The following BST1 variants were observed in gnomAD, a reference collection of about 807,000 sequenced individuals.
BST1 encodes the protein ADP-ribosyl cyclase/cyclic ADP-ribose hydrolase 2.
Under a neutral mutation model 40.6 loss-of-function variants are expected in BST1, and 49 were observed. The ratio of observed to expected loss-of-function variants is 1.21; its 90% CI spans 0.96 to 1.53. The LOEUF (loss-of-function observed/expected upper bound fraction) is 1.53. Ranked by LOEUF, BST1 falls within the 40% of genes most tolerant of loss-of-function variation. The pLI is 0.00. For missense variants in BST1, 423 were observed against 395.9 expected, an observed-to-expected ratio of 1.07 and a Z score of -0.58; for synonymous variants, 157 against 159.3, an observed-to-expected ratio of 0.99 and a Z score of 0.11.
downstream of BST1, chr4:15,737,698 C>G (rs1326931027): frequency 3.2e-6 from 3 of 932,756 alleles, no homozygotes; most frequent in Middle Eastern, 2.5e-4. Flanking sequence ...TCTTTCCTCT[C>G]CTGTCGTAGG....
chr4:15,730,601 G>T (rs1033279436), intron 8 of BST1, among the ~76,000 whole-genome samples: 6 of 152,188 alleles, frequency 3.9e-5, no homozygotes, highest in African/African-American at 1.4e-4. Flanking sequence ...TTAGATAAAA[G>T]GATATCTAAA....
chr4:15,719,056 C>T, intron 7 of BST1, 63 bp downstream of exon 7: 4 of 1,456,890 alleles, frequency 2.7e-6, no homozygotes, highest in Non-Finnish European at 3.8e-6. Context: ...AGGAGGTGGG[C>T]TGCCGAAAGG....
chr4:15,771,798 A>G, the BST1 span, among the ~76,000 whole-genome samples: 1 of 152,236 alleles, frequency 6.6e-6, no homozygotes, highest in African/African-American at 2.4e-5. Context: ...TGCCACAAGA[A>G]CATTTGTTGT....
In BST1 at chr4:15,732,171, T is replaced by A. The variant is rs1490282087; in HGVS notation, c.*326T>A. ...AATTCTAATAAAGCTGTATTTTACATCATCTATATTTTCCTATATCTCCAG... is the reference window on the plus strand; with the variant it reads ...AATTCTAATAAAGCTGTATTTTACAACATCTATATTTTCCTATATCTCCAG... On this transcript the variant is annotated 3_prime_UTR_variant, in exon 9 of 9. Transcript: ENST00000265016. 3 of 1,066,292 alleles carry A rather than the reference T, an allele frequency of 2.8e-6. No homozygotes were observed. The highest frequency in any genetic ancestry group is 3.4e-6 in the Non-Finnish European group (3 of 875,428). 66.1% of individuals were successfully genotyped at this position (1,066,292 alleles called of 1,614,324 possible).
At position 15,717,515 on chromosome 4, in the gene BST1, C is replaced by T. The variant is rs566846561; in HGVS notation, c.705-1392C>T. Among the ~76,000 whole-genome samples the T allele has an allele frequency of 9.9e-5, 15 of 152,224 alleles. No individual in the cohort carries two copies. In the South Asian group the frequency reaches 1.0e-3, roughly 11 times the overall value. ...AAGTGGGCAAGAATCACTGTTGGTA[C>T]GAGTGTGGGAAATTGCCACTCTCAT... is the stretch of plus-strand genomic sequence containing the variant. On this transcript the variant is annotated intron_variant, in intron 6 of 8. Coordinates refer to ENST00000265016, the MANE Select transcript of BST1 (RefSeq NM_004334.3).
intron 4 of BST1, among the ~76,000 whole-genome samples, chr4:15,712,966 G>T (rs1458768575): frequency 6.6e-6 from 1 of 152,156 alleles, no homozygotes; most frequent in African/African-American, 2.4e-5. Context: ...AAGGAACCAT[G>T]TATTTTACCC....
At chr4:15,747,846 T>G in the BST1 span, among the ~76,000 whole-genome samples, 12 of 152,136 alleles carry the variant, frequency 7.9e-5, no homozygotes, top group Non-Finnish European at 1.8e-4. Flanking sequence ...ATATTTTAAA[T>G]TCTTATTTTT....
At chr4:15,762,489 A>G in the BST1 span, among the ~76,000 whole-genome samples, 1 of 152,080 alleles carries the variant, frequency 6.6e-6, no homozygotes, top group African/African-American at 2.4e-5. Context: ...AAAGCATACA[A>G]GCTTACAACA....
chr4:15,769,283 C>T, the BST1 span, among the ~76,000 whole-genome samples: 2 of 152,196 alleles, frequency 1.3e-5, no homozygotes, highest in Non-Finnish European at 2.9e-5. Flanking sequence ...GCTTATTCTG[C>T]AGGCGTTGCT....
chr4:15,706,703 T>A (rs1398898656), intron 2 of BST1, among the ~76,000 whole-genome samples: 1 of 152,174 alleles, frequency 6.6e-6, no homozygotes, highest in Non-Finnish European at 1.5e-5. Context: ...ACTGAAAACA[T>A]GATTTTTGAG....
At position 15,732,478 on chromosome 4, in the gene BST1, C is replaced by T. The variant is rs1721417681; in HGVS notation, c.*633C>T. 1.3e-5 allele frequency: 2 copies of T among 152,158 alleles called. No homozygotes were observed. Among genetic ancestry groups the T allele is most frequent in the African/African-American group, 4.8e-5 (2 of 41,414 alleles). 9.4% of individuals were successfully genotyped at this position (152,158 alleles called of 1,614,324 possible). A position where few individuals can be genotyped will look rare whatever the true frequency, so the allele number is the denominator to read the frequency against. ...GATTGCAGGTGCCTGCCACCATGTCCAGCTAATTTTTGTATTTTTAGTAGA... is the reference window on the plus strand; with the variant it reads ...GATTGCAGGTGCCTGCCACCATGTCTAGCTAATTTTTGTATTTTTAGTAGA... On this transcript the variant is annotated 3_prime_UTR_variant, in exon 9 of 9. Coordinates refer to ENST00000265016, the MANE Select transcript of BST1 (RefSeq NM_004334.3).
chr4:15,706,289 G>T (rs1719879111), intron 2 of BST1, among the ~76,000 whole-genome samples: 1 of 152,138 alleles, frequency 6.6e-6, no homozygotes, highest in Non-Finnish European at 1.5e-5. Context: ...TCAGGACATG[G>T]CCATACCTGT....
intron 1 of BST1, among the ~76,000 whole-genome samples, chr4:15,705,203 G>A (rs1269341196): frequency 6.6e-6 from 1 of 151,834 alleles, no homozygotes; most frequent in Non-Finnish European, 1.5e-5. Context: ...TAAATGAAGA[G>A]GCACCTGCTG....
At chr4:15,747,578 GA>G in the BST1 span, among the ~76,000 whole-genome samples, 1 of 152,180 alleles carries the variant, frequency 6.6e-6, no homozygotes, top group Admixed American at 6.5e-5. Context: ...CATTGTCAGC[GA>G]GCTGTGTTAT....
chr4:15,735,069 C>T (rs1721505288), downstream of BST1, among the ~76,000 whole-genome samples: 1 of 152,164 alleles, frequency 6.6e-6, no homozygotes, highest in Non-Finnish European at 1.5e-5. Context: ...TGGTGCTCTA[C>T]CCAGACGTGC....
At position 15,703,109 on chromosome 4, in the gene BST1, G is replaced by T; in HGVS notation, c.-36G>T. The stretch of plus-strand genomic sequence containing the variant: ...TTGGTAGAAGGAGAGAAGGGGAGTG[G>T]AGGAAGCACGGGACTGGAGGGACCA... On this transcript the variant is annotated 5_prime_UTR_variant, in exon 1 of 9. Transcript: ENST00000265016. 1 of 1,546,002 alleles carries T rather than the reference G, an allele frequency of 6.5e-7. No individual in the cohort carries two copies. The highest frequency in any genetic ancestry group is 2.0e-5 in the Admixed American group (1 of 49,944).
chr4:15,734,733 T>G (rs992321937), downstream of BST1, among the ~76,000 whole-genome samples: 6 of 152,118 alleles, frequency 3.9e-5, no homozygotes, highest in Admixed American at 3.9e-4. Context: ...AAGAAGGAAT[T>G]CAGATAAGAC....
chr4:15,709,128 A>G (rs1321990995), intron 3 of BST1, among the ~76,000 whole-genome samples: 1 of 152,224 alleles, frequency 6.6e-6, no homozygotes, highest in African/African-American at 2.4e-5. Flanking sequence ...GAGAAAATTA[A>G]AACAGGTAAT....
chr4:15,703,628 AG>A (rs201773479), intron 1 of BST1, among the ~76,000 whole-genome samples: 11 of 71,420 alleles, frequency 1.5e-4, no homozygotes, highest in South Asian at 5.7e-4. Context: ...TCTAGAGGTG[AG>A]GGGGGTGTGT....
Sources: allele counts gnomAD v4.1 joint callset (sites outside exome capture counted in the v4.1 genomes callset), GRCh38; gene constraint gnomAD v4.1.1; transcripts MANE v1.5; gene names NCBI Gene and HGNC (gene_info 2026-07-23, HGNC 2026-07-21).